The following EP400 variants were observed in gnomAD, a reference collection of about 807,000 sequenced individuals.
EP400 encodes E1A binding protein p400, also known as E1A-binding protein p400.
Under a neutral mutation model 354.1 loss-of-function variants are expected in EP400, and 105 were observed. The observed-to-expected ratio is 0.30, with a 90% CI of 0.25 to 0.35. The LOEUF (loss-of-function observed/expected upper bound fraction) is 0.35, where lower values mean the gene tolerates loss of function less well. EP400 is among the 10% of genes least tolerant of loss of function. The pLI is 1.00. For synonymous variants in EP400, 1,646 were observed against 1,716.9 expected (o/e 0.96, Z 1.02); for missense variants, 3,280 against 4,121.0 (o/e 0.80, Z 5.59).
chr12:131,996,682 T>C (rs1268471583), intron 12 of EP400, among the ~76,000 whole-genome samples: 1 of 152,230 alleles, frequency 6.6e-6, no homozygotes, highest in Non-Finnish European at 1.5e-5. Context: ...CAAGAACTCT[T>C]GATATTGTCT....
In EP400 at chr12:132,027,362, A is replaced by G; in HGVS notation, c.5015-75A>G. On this transcript the variant is annotated intron_variant, in intron 25 of 52. Coordinates refer to ENST00000389561, the MANE Select transcript of EP400 (RefSeq NM_015409.5). This position sits in a 1 kb window ranked among gnomAD's most constrained non-coding sequence, Gnocchi z 4.9. ...GTGTGCTGGTGGAGGGTGAGGTTCC[A>G]TGGAGCATGCTGGTGTCAGATGAAA... 1 of 1,476,082 alleles carries G rather than the reference A, an allele frequency of 6.8e-7. No individual in the cohort carries two copies. Among genetic ancestry groups the G allele is most frequent in the South Asian group, 1.1e-5 (1 of 86,960 alleles). The allele number at this position is 1,476,082 out of a possible 1,614,324, so 91.4% of individuals were successfully genotyped here.
intron 7 of EP400, among the ~76,000 whole-genome samples, chr12:131,989,391 C>A (rs948908344): frequency 6.6e-6 from 1 of 152,188 alleles, no homozygotes; most frequent in African/African-American, 2.4e-5. Flanking sequence ...AGAGTCCTGG[C>A]GGTAGTTGAG....
chr12:132,016,469 A>G (rs909008012), intron 19 of EP400, among the ~76,000 whole-genome samples: 1 of 152,142 alleles, frequency 6.6e-6, no homozygotes, highest in Admixed American at 6.5e-5. Flanking sequence ...CCCAGGTTCA[A>G]GTGATTCTCC....
rs1365597120 is a variant in EP400, at chr12:132,029,622, C to T, written c.5382-79C>T. The T allele has an allele frequency of 5.4e-6, 8 of 1,473,578 alleles. No individual in the cohort carries two copies. In the East Asian group the frequency reaches 1.4e-4, roughly 25 times the overall value. The allele number at this position is 1,473,578 out of a possible 1,614,324, so 91.3% of individuals were successfully genotyped here. On this transcript the variant is annotated intron_variant, in intron 27 of 52. Coordinates refer to ENST00000389561, the MANE Select transcript of EP400 (RefSeq NM_015409.5). The surrounding 1 kb of genome is among the most constrained non-coding windows in gnomAD (Gnocchi z 4.7). ...TGGGACTTGGACTGTCAGAAGTCTG[C>T]CCCATCTTTCAGGAGCCCCCATGCT...
At chr12:132,035,045 G>A (rs182037836) in intron 30 of EP400, among the ~76,000 whole-genome samples, 18 of 152,194 alleles carry the variant, frequency 1.2e-4, no homozygotes, top group Admixed American at 5.9e-4. Flanking sequence ...CTTAAAAATC[G>A]AGAAGATACA....
intron 45 of EP400, among the ~76,000 whole-genome samples, chr12:132,056,763 G>A (rs1393052687): frequency 6.6e-6 from 1 of 152,164 alleles, no homozygotes; most frequent in African/African-American, 2.4e-5. Flanking sequence ...TCAAAATTAA[G>A]GACTTCTGCT....
At position 131,994,872 on chromosome 12, in the gene EP400, G is replaced by A. The variant is rs1401078536; in HGVS notation, c.2743G>A (p.Asp915Asn). Residue 915 changes from aspartate (D) to asparagine (N), a missense_variant, in exon 12 of 53, where the codon GAT (aspartate) becomes AAT (asparagine). Around this residue, in one of 20 missense-constraint regions of EP400, gnomAD observed 800 missense variants for 840.0 expected, o/e 0.95. Coordinates refer to ENST00000389561, the MANE Select transcript of EP400 (RefSeq NM_015409.5). This position sits in a 1 kb window ranked among gnomAD's most constrained non-coding sequence, Gnocchi z 4.6. ...CTTGCTGATAACCATTTTAGTGGACGATGAAGAGGAAACAATTGAAGAGGA... is the reference window on the plus strand; with the variant it reads ...CTTGCTGATAACCATTTTAGTGGACAATGAAGAGGAAACAATTGAAGAGGA... ...SISLTDDEVD[D>N]EEETIEEEEA... is the part of the protein sequence containing the mutation. 3.1e-6 allele frequency: 5 copies of A among 1,613,844 alleles called. No individual in the cohort carries two copies. The highest frequency in any genetic ancestry group is 1.1e-5 in the South Asian group (1 of 91,042).
rs770218371 is a variant in EP400, at chr12:132,029,812, G to T, written c.5493G>T (p.Glu1831Asp). The T allele has an allele frequency of 2.5e-6, 4 of 1,613,486 alleles. No homozygotes were observed. The highest frequency in any genetic ancestry group is 3.4e-6 in the Non-Finnish European group (4 of 1,180,044). Residue 1831 changes from glutamate to aspartate, a missense_variant, in exon 28 of 53, where the codon GAG (glutamate) becomes GAT (aspartate). Glu to Asp is a conservative substitution (Grantham distance 45). Coordinates refer to ENST00000389561, the MANE Select transcript of EP400 (RefSeq NM_015409.5). The surrounding 1 kb of genome is among the most constrained non-coding windows in gnomAD (Gnocchi z 4.7). ...RMRILRQGLR[E>D]HAAPYFQQLR... ...GGATCTTGAGGCAGGGCCTGAGAGA[G>T]CACGCTGCGCCGTACTTCCAGCAGC... is the stretch of plus-strand genomic sequence containing the variant.
intron 52 of EP400, among the ~76,000 whole-genome samples, 188 bp from the exon 53 acceptor site, chr12:132,077,211 CTT>C (rs1198582790): frequency 6.6e-6 from 1 of 152,212 alleles, no homozygotes; most frequent in Non-Finnish European, 1.5e-5. Flanking sequence ...AAGCAACCAT[CTT>C]TTAATTTTCC....
At chr12:132,056,628 C>T (rs1355198741) in intron 45 of EP400, among the ~76,000 whole-genome samples, 1 of 152,170 alleles carries the variant, frequency 6.6e-6, no homozygotes, top group Non-Finnish European at 1.5e-5. Flanking sequence ...AAAGCAAAAA[C>T]TACACTGTAA....
At position 131,979,812 on chromosome 12, in the gene EP400, C is replaced by T. The variant is rs200386500; in HGVS notation, c.1435+19C>T. 2.7e-5 allele frequency: 43 copies of T among 1,579,312 alleles called. No homozygotes were observed. Among genetic ancestry groups the T allele is most frequent in the Admixed American group, 3.7e-5 (2 of 53,704 alleles). On this transcript the variant is annotated intron_variant, in intron 3 of 52. Transcript: ENST00000389561. Reference sequence around the variant, plus strand: ...ATGGCAGGTACGTCGGCACGGCTAGCGTGGCCTCGGGAATGCCCCCCTCTC... The same window carrying T: ...ATGGCAGGTACGTCGGCACGGCTAGTGTGGCCTCGGGAATGCCCCCCTCTC...
At chr12:132,002,875 A>G (rs1253317194) in intron 12 of EP400, among the ~76,000 whole-genome samples, 3 of 152,216 alleles carry the variant, frequency 2.0e-5, no homozygotes, top group Non-Finnish European at 4.4e-5. Context: ...CATTGGGTCA[A>G]GGCTTCTTCA....
At chr12:132,077,306 T>C (rs910699966) in intron 52 of EP400, 95 bp from the exon 53 acceptor site, 18 of 1,472,256 alleles carry the variant, frequency 1.2e-5, no homozygotes, top group Middle Eastern at 5.1e-4. Flanking sequence ...GTCAGTGAAG[T>C]TTCTCGAGTC....
chr12:131,952,051 C>T (rs1341270155), intron 1 of EP400, among the ~76,000 whole-genome samples: 1 of 151,764 alleles, frequency 6.6e-6, no homozygotes, highest in Non-Finnish European at 1.5e-5. Flanking sequence ...CTCCCCTTTG[C>T]TGGGATTACA....
chr12:131,996,790 G>A (rs1029054449), intron 12 of EP400, among the ~76,000 whole-genome samples: 2 of 152,010 alleles, frequency 1.3e-5, no homozygotes, highest in Admixed American at 6.5e-5. Flanking sequence ...TTCTTCCTTT[G>A]TTCATTTTGG....
At chr12:132,000,372 T>A (rs552121192) in intron 12 of EP400, among the ~76,000 whole-genome samples, 15 of 152,290 alleles carry the variant, frequency 9.8e-5, no homozygotes, top group Admixed American at 6.5e-4. Flanking sequence ...TTTGTTGAGG[T>A]AGGTTTTGAA....
In EP400 at chr12:132,012,998, C is replaced by G. The variant is rs1022820644; in HGVS notation, c.3442-11C>G. On this transcript the variant is annotated splice_polypyrimidine_tract_variant and intron_variant, in intron 16 of 52. Transcript: ENST00000389561. ...GTGTGAAGGCACTGAGCTGTCCTCT[C>G]TGTGCTGCAGGAGTGGGCCGAACCC... 1.4e-5 allele frequency: 22 copies of G among 1,599,386 alleles called. No homozygotes were observed. In the Admixed American group the frequency reaches 2.7e-4, roughly 20 times the overall value.
chr12:132,013,715 T>C lies in EP400; in HGVS notation c.3786+51T>C, dbSNP rs11831366. Reference sequence around the variant, plus strand: ...TAATTAATTAAACATGCGTATGCCTTGTTATAAACGTGTTACAGCAGCATT... The same window carrying C: ...TAATTAATTAAACATGCGTATGCCTCGTTATAAACGTGTTACAGCAGCATT... On this transcript the variant is annotated intron_variant, in intron 18 of 52. Transcript: ENST00000389561. The surrounding 1 kb of genome is among the most constrained non-coding windows in gnomAD (Gnocchi z 4.5). The C allele has an allele frequency of 0.14, 225,286 of 1,608,440 alleles. 33,234 individuals are homozygous for C. Among genetic ancestry groups the C allele is most frequent in the African/African-American group, 0.77 (57,566 of 74,648 alleles).
At position 132,023,798 on chromosome 12, in the gene EP400, C is replaced by G; in HGVS notation, c.4712C>G (p.Ala1571Gly). The change falls in exon 24 of 53, where the codon GCT becomes GGT. Residue 1571 changes from alanine to glycine, a missense_variant. Physicochemically the swap from Ala to Gly is moderately conservative, Grantham distance 60 (BLOSUM62 0). This residue lies in a region of EP400 where 342 missense variants were observed against 342.7 expected (regional missense o/e 1.00). Coordinates refer to ENST00000389561, the MANE Select transcript of EP400 (RefSeq NM_015409.5). ...RLPSGEVVKI[A>G]QLASITGPQS... ...ACAGGTGGAGAGGTAGTGAAAATAGCTCAGCTGGCATCCATCACAGGACCA... is the reference window on the plus strand; with the variant it reads ...ACAGGTGGAGAGGTAGTGAAAATAGGTCAGCTGGCATCCATCACAGGACCA... 1 of 1,613,286 alleles carries G rather than the reference C, an allele frequency of 6.2e-7. No homozygotes were observed. The highest frequency in any genetic ancestry group is 8.5e-7 in the Non-Finnish European group (1 of 1,179,778).
Sources: gnomAD v4.1 joint callset for allele counts (sites outside exome capture counted in the v4.1 genomes callset) on GRCh38, gnomAD v4.1.1 for gene constraint, gnomAD v4.1.1 regional missense constraint, Gnocchi (gnomAD v3.1) non-coding constraint, MANE v1.5 for transcripts, NCBI Gene and HGNC (gene_info 2026-07-23, HGNC 2026-07-21) for gene names.